The following CLMN variants were observed in gnomAD, a reference collection of about 807,000 sequenced individuals.
CLMN encodes the protein calmin (calponin-like, transmembrane).
Under a neutral mutation model 92.7 loss-of-function variants are expected in CLMN, and 57 were observed. That is an observed-to-expected ratio of 0.61 (90% CI 0.50 to 0.77). CLMN has a LOEUF of 0.77. Among genes scored for constraint, CLMN ranks in the 30% least tolerant of loss-of-function variants. The pLI is 0.00. For missense variants in CLMN, 1,158 were observed against 1,237.5 expected (o/e 0.94, Z 0.96); for synonymous variants, 466 against 470.6 (o/e 0.99, Z 0.13).
intron 1 of CLMN, among the ~76,000 whole-genome samples, chr14:95,290,649 G>C (rs1303307221): frequency 1.3e-5 from 2 of 152,202 alleles, no homozygotes; most frequent in East Asian, 3.9e-4. Flanking sequence ...CCAGTGCCTT[G>C]AATTTAGCCC....
At chr14:95,235,966 C>G (rs904548103) in intron 1 of CLMN, among the ~76,000 whole-genome samples, 2 of 152,228 alleles carry the variant, frequency 1.3e-5, no homozygotes, top group African/African-American at 2.4e-5. Context: ...AAAAGCCCAC[C>G]TTCCCTCTGC....
In CLMN at chr14:95,204,274, T is replaced by C. The variant is rs560043130; in HGVS notation, c.1075A>G (p.Met359Val). 4 of 1,614,108 alleles carry C rather than the reference T, an allele frequency of 2.5e-6. No individual in the cohort carries two copies. The African/African-American group carries it at 4.0e-5, about 16-fold the overall frequency. Residue 359 changes from methionine to valine, a missense_variant, in exon 9 of 13, where the codon ATG becomes GTG. Physicochemically the swap from Met to Val is conservative, Grantham distance 21. Transcript: ENST00000298912. Reference sequence around the variant, plus strand: ...ACACCATCCAGGCGGAATTCCTTCATGCTCTCGGGCTTGTCACAGACAAAG... The same window carrying C: ...ACACCATCCAGGCGGAATTCCTTCACGCTCTCGGGCTTGTCACAGACAAAG... ...KVFVCDKPES[M>V]KEFRLDGVSS... is the part of the protein sequence containing the mutation.
In CLMN at chr14:95,281,087, G is replaced by A. The variant is rs139940309; in HGVS notation, c.82+38624C>T. Among the ~76,000 whole-genome samples the A allele has an allele frequency of 2.6e-5, 4 of 152,260 alleles. No homozygotes were observed. In the East Asian group the frequency reaches 5.8e-4, roughly 22 times the overall value. ...ATAACTAATATATTCATAAATACCA[G>A]GCAAAACAGGAATTAACTGCATAGA... is the stretch of plus-strand genomic sequence containing the variant. On this transcript the variant is annotated intron_variant, in intron 1 of 12. Coordinates refer to ENST00000298912, the MANE Select transcript of CLMN (RefSeq NM_024734.4).
chr14:95,293,042 T>C (rs2140762712), intron 1 of CLMN, among the ~76,000 whole-genome samples: 1 of 152,222 alleles, frequency 6.6e-6, no homozygotes, highest in East Asian at 1.9e-4. Context: ...TGGGAGATGG[T>C]TAGAAATAAA....
At chr14:95,217,827 C>T (rs1232738175) in intron 4 of CLMN, among the ~76,000 whole-genome samples, 1 of 152,198 alleles carries the variant, frequency 6.6e-6, no homozygotes. Context: ...GCCGTAAACA[C>T]CATGGTGCAC....
At chr14:95,284,634 C>T (rs1325955103) in intron 1 of CLMN, among the ~76,000 whole-genome samples, 1 of 152,002 alleles carries the variant, frequency 6.6e-6, no homozygotes, top group Non-Finnish European at 1.5e-5. Flanking sequence ...AATTTTGGTG[C>T]CCCCCACCCC....
chr14:95,265,132 C>T (rs1038740518), intron 1 of CLMN, among the ~76,000 whole-genome samples: 1 of 151,896 alleles, frequency 6.6e-6, no homozygotes, highest in African/African-American at 2.4e-5. Context: ...GTCCCAGCTG[C>T]TCTGGGAGGG....
intron 9 of CLMN, 85 bp from the exon 10 acceptor site, chr14:95,196,779 G>C (rs570472851): frequency 7.6e-7 from 1 of 1,321,544 alleles, no homozygotes; most frequent in Admixed American, 2.4e-5. Context: ...GCTCTGCCCA[G>C]GCCCAGCCAG....
intron 3 of CLMN, chr14:95,222,373 A>AT: frequency 3.1e-6 from 1 of 323,498 alleles, no homozygotes; most frequent in Non-Finnish European, 6.1e-6. Flanking sequence ...TTAGCTCTAC[A>AT]TACCAGGAAT....
At chr14:95,253,990 T>C (rs1244796099) in intron 1 of CLMN, among the ~76,000 whole-genome samples, 1 of 152,206 alleles carries the variant, frequency 6.6e-6, no homozygotes, top group African/African-American at 2.4e-5. Context: ...GGAATCTGTA[T>C]GTTTAATAGC....
At chr14:95,209,762 C>T (rs1024339782) in intron 7 of CLMN, among the ~76,000 whole-genome samples, 6 of 151,954 alleles carry the variant, frequency 3.9e-5, no homozygotes, top group African/African-American at 7.2e-5. Flanking sequence ...GCAGCCAGCT[C>T]GCTGCTGGCT....
intron 1 of CLMN, among the ~76,000 whole-genome samples, chr14:95,276,499 G>C (rs28485635): frequency 0.11 from 16,431 of 152,198 alleles, 1,059 homozygotes; most frequent in African/African-American, 0.17. Context: ...AGATCCTTTA[G>C]GGACTGACGA....
chr14:95,260,589 A>G (rs1899212257), intron 1 of CLMN: 1 of 152,228 alleles, frequency 6.6e-6, no homozygotes, highest in African/African-American at 2.4e-5. Context: ...ATTTTGACAC[A>G]CAATAACAGA....
intron 7 of CLMN, 115 bp downstream of exon 7, chr14:95,210,571 G>A: frequency 2.0e-6 from 2 of 1,010,164 alleles, no homozygotes; most frequent in Non-Finnish European, 2.9e-6. Context: ...AGAAATATAG[G>A]AGAAAAAATC....
In CLMN at chr14:95,274,718, C is replaced by T. The variant is rs541070758; in HGVS notation, c.83-44585G>A. Among the ~76,000 whole-genome samples, 8 of 152,324 alleles carry T rather than the reference C, an allele frequency of 5.3e-5. No homozygotes were observed. In the South Asian group the frequency reaches 6.2e-4, roughly 12 times the overall value. ...AGTCACAGCCGGGCGCGGTGGCTCACGCCTGTAATCCCAGCACTTTGGGAG... is the reference window on the plus strand; with the variant it reads ...AGTCACAGCCGGGCGCGGTGGCTCATGCCTGTAATCCCAGCACTTTGGGAG... On this transcript the variant is annotated intron_variant, in intron 1 of 12. Coordinates refer to ENST00000298912, the MANE Select transcript of CLMN (RefSeq NM_024734.4).
intron 1 of CLMN, among the ~76,000 whole-genome samples, chr14:95,253,611 T>TTTG (rs1481993644): frequency 8.2e-5 from 9 of 110,146 alleles, no homozygotes; most frequent in African/African-American, 2.3e-4. Flanking sequence ...GTTTTTTTGT[T>TTTG]TTTTTGTTTT....
intron 1 of CLMN, among the ~76,000 whole-genome samples, chr14:95,288,093 G>A (rs890742641): frequency 6.6e-6 from 1 of 152,162 alleles, no homozygotes; most frequent in African/African-American, 2.4e-5. Context: ...AGCATAGTGG[G>A]GCCTGGAAGA....
rs566107623 is a variant in CLMN at position 95,200,969 on chromosome 14, AG to A, written c.2511+1868del. 1.5e-3 allele frequency among the ~76,000 whole-genome samples: 205 copies of A among 137,872 alleles called. 1 individual carries two copies. Among genetic ancestry groups the A allele is most frequent in the African/African-American group, 4.8e-3 (179 of 37,572 alleles). 90.4% of individuals were successfully genotyped at this position (137,872 alleles called of 152,430 possible). On this transcript the variant is annotated intron_variant, in intron 9 of 12. Transcript: ENST00000298912. The stretch of plus-strand genomic sequence containing the variant: ...TCTTTAACTTTCTAATGCCTATGTT[AG>A]TGGTAAGTTATGAGAGAACATCACA...
intron 3 of CLMN, chr14:95,222,520 G>T (rs779169514): frequency 4.0e-5 from 18 of 454,182 alleles, no homozygotes; most frequent in Non-Finnish European, 2.6e-5. Context: ...GGGAAGTGGA[G>T]GCCTGTTCTT....
Sources: allele counts gnomAD v4.1 joint callset (sites outside exome capture counted in the v4.1 genomes callset), GRCh38; gene constraint gnomAD v4.1.1; transcripts MANE v1.5; gene names NCBI Gene and HGNC (gene_info 2026-07-23, HGNC 2026-07-21).